The following C12orf42 variants were observed in gnomAD, a reference collection of about 807,000 sequenced individuals.
C12orf42 encodes the protein chromosome 12 open reading frame 42, also known as uncharacterized protein C12orf42.
In C12orf42, 25 loss-of-function variants were observed where a neutral mutation model predicts 21.6. That is an observed-to-expected ratio of 1.16 (90% CI 0.84 to 1.62). The LOEUF (loss-of-function observed/expected upper bound fraction) is 1.62. C12orf42 is among the 40% of genes most tolerant of loss of function. The pLI, the probability that C12orf42 is intolerant of heterozygous loss-of-function variation, is 0.00. For synonymous variants in C12orf42, 174 were observed against 175.0 expected, an observed-to-expected ratio of 0.99 and a Z score of 0.05; for missense variants, 483 against 459.3, an observed-to-expected ratio of 1.05 and a Z score of -0.47.
intron 4 of C12orf42, among the ~76,000 whole-genome samples, chr12:103,331,047 T>C (rs1269853044): frequency 6.6e-6 from 1 of 152,222 alleles, no homozygotes; most frequent in South Asian, 2.1e-4. Context: ...AAATAAAAGA[T>C]ATACAGATGC....
intron 4 of C12orf42, among the ~76,000 whole-genome samples, chr12:103,277,600 C>G (rs2035846584): frequency 6.6e-6 from 1 of 151,564 alleles, no homozygotes; most frequent in Non-Finnish European, 1.5e-5. Context: ...CCTTGATGGG[C>G]ACAATTTTCT....
At chr12:103,149,663 G>A in the C12orf42 span, among the ~76,000 whole-genome samples, 31 of 152,132 alleles carry the variant, frequency 2.0e-4, no homozygotes, top group Middle Eastern at 3.4e-3. Flanking sequence ...TCCCCTTCTC[G>A]CACTTCTCCC....
intron 1 of C12orf42, among the ~76,000 whole-genome samples, chr12:103,483,044 T>C (rs924389083): frequency 7.2e-5 from 11 of 152,268 alleles, no homozygotes; most frequent in African/African-American, 2.7e-4. Flanking sequence ...TTTCATATAA[T>C]ATCAAAAATC....
intron 1 of C12orf42, among the ~76,000 whole-genome samples, chr12:103,481,806 G>GT (rs890478121): frequency 1.2e-3 from 174 of 139,214 alleles, no homozygotes; most frequent in African/African-American, 3.8e-3. Flanking sequence ...TTTTGTTTGG[G>GT]TTTTTTTTTT....
the C12orf42 span, chr12:103,178,640 A>G: frequency 6.6e-6 from 1 of 152,208 alleles, no homozygotes; most frequent in Non-Finnish European, 1.5e-5. Context: ...GAAAGGGGCT[A>G]GTGCTTTAGA....
chr12:103,197,712 G>A, the C12orf42 span, among the ~76,000 whole-genome samples: 1 of 152,200 alleles, frequency 6.6e-6, no homozygotes, highest in African/African-American at 2.4e-5. Context: ...AATCTTTGAA[G>A]TTGCTTCCTT....
At chr12:103,361,969 C>T (rs1288053086) in intron 4 of C12orf42, among the ~76,000 whole-genome samples, 1 of 152,096 alleles carries the variant, frequency 6.6e-6, no homozygotes, top group Non-Finnish European at 1.5e-5. Flanking sequence ...GTTCTAGAGC[C>T]CCCACCTACT....
At chr12:103,312,063 T>C (rs1216398827) in intron 4 of C12orf42, among the ~76,000 whole-genome samples, 1 of 152,252 alleles carries the variant, frequency 6.6e-6, no homozygotes, top group East Asian at 1.9e-4. Context: ...ACAACTTGCA[T>C]GTTCCTTTAC....
chr12:103,167,105 T>C, the C12orf42 span, among the ~76,000 whole-genome samples: 4 of 152,190 alleles, frequency 2.6e-5, no homozygotes, highest in Admixed American at 6.5e-5. Context: ...TGGACAGGTT[T>C]CTCTGACCCT....
chr12:103,546,306 A>G, the C12orf42 span, among the ~76,000 whole-genome samples: 2 of 152,204 alleles, frequency 1.3e-5, no homozygotes, highest in Non-Finnish European at 2.9e-5. Context: ...GGAAAAACCA[A>G]TATTGTCTCA....
chr12:103,437,279 A>C (rs1950802900), intron 2 of C12orf42, among the ~76,000 whole-genome samples: 1 of 152,226 alleles, frequency 6.6e-6, no homozygotes, highest in African/African-American at 2.4e-5. Flanking sequence ...AATTTATAGC[A>C]CTAAATGCCA....
At chr12:103,233,865 T>C (rs1199607048), downstream of C12orf42, among the ~76,000 whole-genome samples, 1 of 152,164 alleles carries the variant, frequency 6.6e-6, no homozygotes, top group Non-Finnish European at 1.5e-5. Flanking sequence ...CGAAAAGAAG[T>C]GGTGAAAAGA....
chr12:103,417,601 C>T lies in C12orf42; in HGVS notation c.79-15926G>A, dbSNP rs535896746. Among the ~76,000 whole-genome samples the T allele has an allele frequency of 3.9e-5, 6 of 152,292 alleles. No individual in the cohort carries two copies. In the East Asian group the frequency reaches 7.7e-4, roughly 20 times the overall value. ...GCCTTCCACTCTCTTCTCTCCTATC[C>T]GCATCCAGGTCCCAATCTTAATTAC... On this transcript the variant is annotated intron_variant, in intron 2 of 5. Coordinates refer to ENST00000548883, the MANE Select transcript of C12orf42 (RefSeq NM_198521.5).
chr12:103,378,796 G>T (rs1278358894), intron 3 of C12orf42: 2 of 152,262 alleles, frequency 1.3e-5, no homozygotes, highest in East Asian at 3.9e-4. Flanking sequence ...GCTTGATCTG[G>T]AAAATGAGAT....
intron 2 of C12orf42, among the ~76,000 whole-genome samples, chr12:103,438,298 T>G: frequency 6.6e-6 from 1 of 151,904 alleles, no homozygotes; most frequent in Admixed American, 6.6e-5. Context: ...ACAGCCAATA[T>G]CATACTGAAT....
In C12orf42 at chr12:103,383,614, A is replaced by G. The variant is rs77462943; in HGVS notation, c.148-14616T>C. Among the ~76,000 whole-genome samples, 819 of 152,326 alleles carry G rather than the reference A, an allele frequency of 5.4e-3. 10 individuals carry two copies. The highest frequency in any genetic ancestry group is 0.019 in the African/African-American group (770 of 41,566). On this transcript the variant is annotated intron_variant, in intron 3 of 5. Transcript: ENST00000548883. The stretch of plus-strand genomic sequence containing the variant: ...TTGTGTTTCTCTGGCTCACCATCAT[A>G]TAATAACAACTAATACACATTTTTG...
At chr12:103,063,081 G>A in the C12orf42 span, among the ~76,000 whole-genome samples, 1 of 152,276 alleles carries the variant, frequency 6.6e-6, no homozygotes, top group Admixed American at 6.5e-5. Context: ...GAGGCAAGAA[G>A]TTTGGTGATT....
chr12:103,410,424 T>C (rs1285735996), intron 2 of C12orf42, among the ~76,000 whole-genome samples: 1 of 152,236 alleles, frequency 6.6e-6, no homozygotes, highest in Non-Finnish European at 1.5e-5. Flanking sequence ...CCAATTTGTA[T>C]GCTTTCTCCT....
chr12:103,348,925 G>A (rs2042862815), intron 4 of C12orf42, among the ~76,000 whole-genome samples: 1 of 152,128 alleles, frequency 6.6e-6, no homozygotes, highest in Admixed American at 6.6e-5. Context: ...AAATCAATAG[G>A]AGGATGCAGC....
Sources: allele counts gnomAD v4.1 joint callset (sites outside exome capture counted in the v4.1 genomes callset), GRCh38; gene constraint gnomAD v4.1.1; transcripts MANE v1.5; gene names NCBI Gene and HGNC (gene_info 2026-07-23, HGNC 2026-07-21).